Variants in LRP1B observed in about 807,000 individuals in gnomAD.
LRP1B encodes low-density lipoprotein receptor-related protein 1B.
LRP1B carries 217 observed loss-of-function variants against 556.6 expected under a neutral mutation model. That is an observed-to-expected ratio of 0.39 (90% CI 0.35 to 0.44). The LOEUF is 0.44. LRP1B is among the 20% of genes least tolerant of loss of function. LRP1B has a pLI of 1.00. For missense variants in LRP1B, 5,053 were observed against 5,620.8 expected (o/e 0.90, Z 3.23); for synonymous variants, 2,047 against 1,865.8 (o/e 1.10, Z -2.50).
At chr2:141,219,959 C>T (rs1682968543) in intron 6 of LRP1B, among the ~76,000 whole-genome samples, 1 of 152,074 alleles carries the variant, frequency 6.6e-6, no homozygotes, top group African/African-American at 2.4e-5. Flanking sequence ...TAGAAAAACC[C>T]ACCAAGATGA....
intron 41 of LRP1B, among the ~76,000 whole-genome samples, chr2:140,666,052 G>A (rs1294579209): frequency 6.6e-6 from 1 of 150,846 alleles, no homozygotes; most frequent in Non-Finnish European, 1.5e-5. Context: ...AGAGTGCAGT[G>A]GCATGATCTC....
At chr2:141,963,707 C>T (rs1170928441) in intron 1 of LRP1B, among the ~76,000 whole-genome samples, 15 of 147,478 alleles carry the variant, frequency 1.0e-4, no homozygotes, top group Non-Finnish European at 1.5e-4. Flanking sequence ...CCTCTCTCAC[C>T]ACTCCTATTC....
intron 2 of LRP1B, among the ~76,000 whole-genome samples, chr2:141,679,722 G>T (rs1691036949): frequency 6.6e-6 from 1 of 151,966 alleles, no homozygotes; most frequent in African/African-American, 2.4e-5. Flanking sequence ...AATAAATTTT[G>T]ATATATTCAT....
At chr2:141,651,907 T>C (rs1279155382) in intron 2 of LRP1B, among the ~76,000 whole-genome samples, 1 of 152,218 alleles carries the variant, frequency 6.6e-6, no homozygotes, top group African/African-American at 2.4e-5. Context: ...CTAAAGTATA[T>C]ATCTCAGTTG....
At chr2:140,651,253 C>G (rs1294156075) in intron 41 of LRP1B, among the ~76,000 whole-genome samples, 1 of 146,154 alleles carries the variant, frequency 6.8e-6, no homozygotes, top group Non-Finnish European at 1.5e-5. Context: ...ATCGCAAGAA[C>G]AAAAAACCAA....
chr2:140,596,561 A>T (rs565656375), intron 43 of LRP1B, among the ~76,000 whole-genome samples: 2 of 152,234 alleles, frequency 1.3e-5, no homozygotes, highest in African/African-American at 2.4e-5. Context: ...TTTACTGTGC[A>T]AAGTGTTTAT....
intron 68 of LRP1B, 31 bp from the exon 69 acceptor site, chr2:140,373,168 T>C (rs1298630895): frequency 6.2e-7 from 1 of 1,602,252 alleles, no homozygotes; most frequent in Non-Finnish European, 8.5e-7. Context: ...ATAATCAAAA[T>C]TAAAATTTTA....
intron 2 of LRP1B, among the ~76,000 whole-genome samples, chr2:141,548,385 A>G (rs1685626794): frequency 6.6e-6 from 1 of 152,220 alleles, no homozygotes; most frequent in South Asian, 2.1e-4. Context: ...TGTTTCCAGA[A>G]GCATGTGCAA....
chr2:140,700,017 C>G (rs1686574341), intron 41 of LRP1B, among the ~76,000 whole-genome samples: 1 of 146,856 alleles, frequency 6.8e-6, no homozygotes, highest in Non-Finnish European at 1.5e-5. Context: ...ACATATTAAA[C>G]CTTCCATGAT....
At chr2:142,124,360 A>T (rs2105017336) in intron 1 of LRP1B, among the ~76,000 whole-genome samples, 1 of 150,300 alleles carries the variant, frequency 6.7e-6, no homozygotes, top group East Asian at 1.9e-4. Context: ...AAAAATCATA[A>T]TTGGGTACCT....
intron 53 of LRP1B, among the ~76,000 whole-genome samples, chr2:140,503,401 A>T (rs1388279871): frequency 1.1e-4 from 16 of 152,106 alleles, no homozygotes; most frequent in Admixed American, 1.0e-3. Context: ...AGATCATAAT[A>T]TCTCTTAGAA....
rs542240538 is a variant in LRP1B at position 141,207,651 on chromosome 2, G to A, written c.851-19068C>T. 2.7e-3 allele frequency among the ~76,000 whole-genome samples: 377 copies of A among 140,844 alleles called. 1 individual carries two copies. Among genetic ancestry groups the A allele is most frequent in the African/African-American group, 8.4e-3 (333 of 39,708 alleles). The allele number at this position is 140,844 out of a possible 152,430, so 92.4% of individuals were successfully genotyped here. On this transcript the variant is annotated intron_variant, in intron 6 of 90. Coordinates refer to ENST00000389484, the MANE Select transcript of LRP1B (RefSeq NM_018557.3). ...ATTAATATTCTCTAGCACATGTGGG[G>A]AGCATGTTTTTGTTTTTGTTTTTGT...
chr2:141,074,864 C>T lies in LRP1B; in HGVS notation c.1014-12591G>A, dbSNP rs144530936. 9.2e-4 allele frequency among the ~76,000 whole-genome samples: 140 copies of T among 152,124 alleles called. 1 individual carries two copies. Among genetic ancestry groups the T allele is most frequent in the African/African-American group, 2.2e-3 (92 of 41,534 alleles). The stretch of plus-strand genomic sequence containing the variant: ...TCATAAATTATTACTTTGTTCAGTT[C>T]GTTTTCATTGTCCTTTTTGCATACA... On this transcript the variant is annotated intron_variant, in intron 7 of 90. Transcript: ENST00000389484.
intron 3 of LRP1B, among the ~76,000 whole-genome samples, chr2:141,433,163 T>C (rs1680629108): frequency 6.6e-6 from 1 of 152,130 alleles, no homozygotes; most frequent in African/African-American, 2.4e-5. Flanking sequence ...CAGGAGTGTA[T>C]TTAATTTCTA....
At chr2:140,609,616 A>T (rs1214894512) in intron 41 of LRP1B, among the ~76,000 whole-genome samples, 3 of 152,198 alleles carry the variant, frequency 2.0e-5, no homozygotes, top group Non-Finnish European at 4.4e-5. Context: ...GTATTTATCC[A>T]GTTACTCAGA....
chr2:140,416,529 G>A (rs570315151), intron 66 of LRP1B, among the ~76,000 whole-genome samples: 1 of 152,046 alleles, frequency 6.6e-6, no homozygotes, highest in African/African-American at 2.4e-5. Context: ...GGTGATGCAT[G>A]CCTGCAGTCC....
intron 3 of LRP1B, among the ~76,000 whole-genome samples, chr2:141,263,932 A>G (rs1489390325): frequency 6.6e-6 from 1 of 152,168 alleles, no homozygotes; most frequent in Non-Finnish European, 1.5e-5. Context: ...AACAATACCC[A>G]TTCATTATTT....
At chr2:140,690,399 A>G (rs1192010925) in intron 41 of LRP1B, among the ~76,000 whole-genome samples, 1 of 151,792 alleles carries the variant, frequency 6.6e-6, no homozygotes, top group African/African-American at 2.4e-5. Flanking sequence ...TTTTTTTTCA[A>G]TGAATGGCTC....
At position 142,039,630 on chromosome 2, in the gene LRP1B, T is replaced by C. The variant is rs79027099; in HGVS notation, c.82+91018A>G. On this transcript the variant is annotated intron_variant, in intron 1 of 90. Transcript: ENST00000389484. The stretch of plus-strand genomic sequence containing the variant: ...TGTTTGTGTGATGGGGATTGTCTCA[T>C]TGCATTTATTAGAGCAGTTGGATGT... Among the ~76,000 whole-genome samples, 4 of 151,574 alleles carry C rather than the reference T, an allele frequency of 2.6e-5. No homozygotes were observed. The East Asian group carries it at 7.8e-4, about 29-fold the overall frequency.
Sources: allele counts gnomAD v4.1 joint callset (sites outside exome capture counted in the v4.1 genomes callset), GRCh38; gene constraint gnomAD v4.1.1; transcripts MANE v1.5; gene names NCBI Gene and HGNC (gene_info 2026-07-23, HGNC 2026-07-21).